Variants in CATSPERE observed in about 807,000 individuals in gnomAD.
CATSPERE encodes catsper channel auxiliary subunit epsilon.
In CATSPERE, 93 loss-of-function variants were observed where a neutral mutation model predicts 114.1. The ratio of observed to expected loss-of-function variants is 0.81; its 90% CI spans 0.69 to 0.97. The LOEUF (loss-of-function observed/expected upper bound fraction) is 0.97. Ranked by LOEUF, CATSPERE falls within the 50% of genes least tolerant of loss-of-function variation. The pLI, the probability that CATSPERE is intolerant of heterozygous loss-of-function variation, is 0.00. For missense variants in CATSPERE, 1,058 were observed against 1,131.6 expected (o/e 0.93, Z 0.93); for synonymous variants, 341 against 384.1 (o/e 0.89, Z 1.31).
rs3003254 is a variant in CATSPERE at position 244,529,889 on chromosome 1, A to T, written c.536+11191A>T. Among the ~76,000 whole-genome samples, 1,100 of 152,120 alleles carry T rather than the reference A, an allele frequency of 7.2e-3. 14 individuals are homozygous for T. Among genetic ancestry groups the T allele is most frequent in the African/African-American group, 0.025 (1,025 of 41,516 alleles). On this transcript the variant is annotated intron_variant, in intron 8 of 21. Transcript: ENST00000366534. ...TCTTTAATTCACTTGTTTTTTGTATATGGCAAGAGATAGGGGTCTAGTTTC... is the reference window on the plus strand; with the variant it reads ...TCTTTAATTCACTTGTTTTTTGTATTTGGCAAGAGATAGGGGTCTAGTTTC...
At chr1:244,627,767 T>C (rs553926692) in intron 20 of CATSPERE, among the ~76,000 whole-genome samples, 1 of 152,358 alleles carries the variant, frequency 6.6e-6, no homozygotes, top group Admixed American at 6.5e-5. Context: ...CTATTTCTCC[T>C]TATCCACAGT....
At chr1:244,472,087 T>C (rs1304632428) in intron 2 of CATSPERE, among the ~76,000 whole-genome samples, 1 of 152,164 alleles carries the variant, frequency 6.6e-6, no homozygotes, top group East Asian at 1.9e-4. Flanking sequence ...GCCTCCTGAG[T>C]AGCTGGGACT....
chr1:244,588,068 C>T (rs1018013544), intron 13 of CATSPERE, among the ~76,000 whole-genome samples: 1 of 151,900 alleles, frequency 6.6e-6, no homozygotes, highest in Non-Finnish European at 1.5e-5. Context: ...GTGGTGCATG[C>T]CTATAATCCC....
chr1:244,571,813 T>C (rs1664506040), intron 10 of CATSPERE, among the ~76,000 whole-genome samples: 1 of 152,166 alleles, frequency 6.6e-6, no homozygotes, highest in Non-Finnish European at 1.5e-5. Flanking sequence ...ATGTGGCCTT[T>C]CTTCTCTGTG....
chr1:244,522,542 A>G (rs565748810), intron 8 of CATSPERE, among the ~76,000 whole-genome samples: 9 of 152,350 alleles, frequency 5.9e-5, no homozygotes, highest in African/African-American at 2.2e-4. Flanking sequence ...TAACGAATAC[A>G]GGAGTTGGTT....
intron 19 of CATSPERE, 49 bp downstream of exon 19, chr1:244,610,375 G>A (rs766737859): frequency 3.6e-6 from 5 of 1,383,666 alleles, no homozygotes; most frequent in Non-Finnish European, 5.1e-6. Context: ...TAACTAATCT[G>A]GCATTTTGCT....
chr1:244,470,006 G>A (rs1487444096), intron 2 of CATSPERE, among the ~76,000 whole-genome samples: 1 of 151,932 alleles, frequency 6.6e-6, no homozygotes, highest in Non-Finnish European at 1.5e-5. Context: ...TGAAAAAAAT[G>A]AATGTGGACC....
chr1:244,552,506 G>T lies in CATSPERE; in HGVS notation c.721G>T (p.Ala241Ser), dbSNP rs770945995. 6 of 1,614,080 alleles carry T rather than the reference G, an allele frequency of 3.7e-6. No individual in the cohort carries two copies. Among genetic ancestry groups the T allele is most frequent in the Non-Finnish European group, 4.2e-6 (5 of 1,180,024 alleles). Residue 241 changes from alanine (A) to serine (S), a missense_variant, in exon 9 of 22, where the codon GCT becomes TCT. Physicochemically the swap from Ala to Ser is moderately conservative, Grantham distance 99. Around this residue, in one of 2 missense-constraint regions of CATSPERE, gnomAD observed 787 missense variants for 905.6 expected, o/e 0.87. Coordinates refer to ENST00000366534, the MANE Select transcript of CATSPERE (RefSeq NM_001130957.2). ...CTCACCACGTGGTAGTCAATTAATGGCTTCCTGGGATGCTTGTGTAGTTGC... is the reference window on the plus strand; with the variant it reads ...CTCACCACGTGGTAGTCAATTAATGTCTTCCTGGGATGCTTGTGTAGTTGC... ...ISSPRGSQLMASWDACVVASA... is the reference protein window; with the variant it reads ...ISSPRGSQLMSSWDACVVASA...
At chr1:244,532,172 C>G (rs1000686041) in intron 8 of CATSPERE, among the ~76,000 whole-genome samples, 7 of 151,982 alleles carry the variant, frequency 4.6e-5, no homozygotes, top group African/African-American at 1.7e-4. Flanking sequence ...TGGTAGTCTT[C>G]TTTTTCATCC....
chr1:244,453,553 G>A (rs548056779), upstream of CATSPERE, among the ~76,000 whole-genome samples: 1 of 152,192 alleles, frequency 6.6e-6, no homozygotes, highest in Non-Finnish European at 1.5e-5. Context: ...TCGTGGTTCA[G>A]TGGCCCCCCT....
chr1:244,602,807 G>C (rs891669731), intron 17 of CATSPERE, among the ~76,000 whole-genome samples: 14 of 152,154 alleles, frequency 9.2e-5, no homozygotes, highest in Admixed American at 5.2e-4. Flanking sequence ...ATTCGCTTTA[G>C]TCAGGTACGG....
intron 19 of CATSPERE, among the ~76,000 whole-genome samples, chr1:244,612,125 G>A (rs1055456006): frequency 6.6e-5 from 10 of 152,166 alleles, no homozygotes; most frequent in Non-Finnish European, 1.5e-4. Flanking sequence ...TACTACATGA[G>A]AAGCTTAAAG....
At chr1:244,639,426 C>T (rs1675056494) in intron 21 of CATSPERE, among the ~76,000 whole-genome samples, 1 of 152,238 alleles carries the variant, frequency 6.6e-6, no homozygotes, top group African/African-American at 2.4e-5. Context: ...TGGCTCACGC[C>T]TGTAATCCCT....
intron 7 of CATSPERE, among the ~76,000 whole-genome samples, chr1:244,510,681 T>G (rs1036992210): frequency 2.6e-5 from 4 of 152,118 alleles, no homozygotes; most frequent in African/African-American, 9.7e-5. Context: ...CTATCTAGAG[T>G]TCTGTCCAAT....
At chr1:244,595,810 G>A (rs1668326120) in intron 17 of CATSPERE, among the ~76,000 whole-genome samples, 1 of 152,214 alleles carries the variant, frequency 6.6e-6, no homozygotes, top group Non-Finnish European at 1.5e-5. Context: ...GCGGGCACCT[G>A]TAGTCCCAGC....
At chr1:244,471,308 A>G (rs1384861213) in intron 2 of CATSPERE, among the ~76,000 whole-genome samples, 2 of 152,188 alleles carry the variant, frequency 1.3e-5, no homozygotes, top group Non-Finnish European at 2.9e-5. Context: ...CTGTTTGTTT[A>G]TGTAAATCAA....
intron 8 of CATSPERE, among the ~76,000 whole-genome samples, chr1:244,529,161 A>G (rs1265630023): frequency 6.6e-6 from 1 of 152,160 alleles, no homozygotes; most frequent in Non-Finnish European, 1.5e-5. Flanking sequence ...TCTCTTCAAT[A>G]TATTGAATTC....
Position 244,498,161 on chromosome 1 carries a change from A to G in CATSPERE, c.352-841A>G, listed in dbSNP as rs1389563503. 4.6e-5 allele frequency among the ~76,000 whole-genome samples: 7 copies of G among 152,368 alleles called. No individual in the cohort carries two copies. The East Asian group carries it at 7.7e-4, about 17-fold the overall frequency. ...TGGTTAAATAAATTGTAGTTCCTCC[A>G]TAATTTAGAATAACATCCAACTGAA... On this transcript the variant is annotated intron_variant, in intron 6 of 21. Coordinates refer to ENST00000366534, the MANE Select transcript of CATSPERE (RefSeq NM_001130957.2).
At chr1:244,503,065 T>G (rs1440268192) in intron 7 of CATSPERE, among the ~76,000 whole-genome samples, 1 of 152,134 alleles carries the variant, frequency 6.6e-6, no homozygotes, top group Non-Finnish European at 1.5e-5. Flanking sequence ...TTGATGATGC[T>G]AGAGTTGATG....
Sources: gnomAD v4.1 joint callset for allele counts (sites outside exome capture counted in the v4.1 genomes callset) on GRCh38, gnomAD v4.1.1 for gene constraint, gnomAD v4.1.1 regional missense constraint, MANE v1.5 for transcripts, NCBI Gene and HGNC (gene_info 2026-07-23, HGNC 2026-07-21) for gene names.